GASK1A: variants seen among roughly 807,000 people sequenced by gnomAD.
The protein encoded by GASK1A is Golgi-associated kinase 1A.
A neutral mutation model predicts 41.2 loss-of-function variants in GASK1A; 40 were observed. The ratio of observed to expected loss-of-function variants is 0.97; its 90% confidence interval spans 0.75 to 1.27. The LOEUF is 1.27. GASK1A is among the 50% of genes most tolerant of loss of function. GASK1A has a pLI of 0.00. For missense variants in GASK1A, 678 were observed against 745.1 expected, an observed-to-expected ratio of 0.91 and a Z score of 1.05; for synonymous variants, 316 against 307.1, an observed-to-expected ratio of 1.03 and a Z score of -0.30.
intron 2 of GASK1A, among the ~76,000 whole-genome samples, chr3:43,035,291 G>C (rs2089599062): frequency 6.6e-6 from 1 of 152,198 alleles, no homozygotes; most frequent in Non-Finnish European, 1.5e-5. Context: ...TGCTGCACTG[G>C]AAGTGCTGGG....
chr3:43,028,889 C>T (rs945480729), intron 1 of GASK1A, among the ~76,000 whole-genome samples: 2 of 152,092 alleles, frequency 1.3e-5, no homozygotes, highest in Non-Finnish European at 2.9e-5. Context: ...CGCCCCACCC[C>T]TTCTGCTTGC....
intron 2 of GASK1A, chr3:43,037,302 G>A (rs1202675511): frequency 1.0e-5 from 9 of 867,864 alleles, no homozygotes; most frequent in Admixed American, 1.0e-4. Context: ...GACCCCAGGT[G>A]ATGACAGGGC....
At chr3:42,999,695 A>G (rs1414187064) in intron 1 of GASK1A, among the ~76,000 whole-genome samples, 3 of 152,240 alleles carry the variant, frequency 2.0e-5, no homozygotes, top group Non-Finnish European at 4.4e-5. Flanking sequence ...ATTGACGCAC[A>G]TCGAGTGGCT....
chr3:43,056,131 G>A, intron 4 of GASK1A, 45 bp from the exon 5 acceptor site: 2 of 1,436,170 alleles, frequency 1.4e-6, no homozygotes, highest in Non-Finnish European at 9.5e-7. Flanking sequence ...TGAGATTACT[G>A]TTGCTTTTTC....
At chr3:43,019,788 A>ACACACACACACC (rs1333967942) in intron 1 of GASK1A, among the ~76,000 whole-genome samples, 2 of 147,814 alleles carry the variant, frequency 1.4e-5, no homozygotes, top group Non-Finnish European at 3.0e-5. Flanking sequence ...ACACACACAC[A>ACACACACACACC]CCCCATCACA....
chr3:43,055,921 G>C, intron 4 of GASK1A: 1 of 501,768 alleles, frequency 2.0e-6, no homozygotes, highest in Non-Finnish European at 3.6e-6. Flanking sequence ...CTGGGATAGC[G>C]GAATTTATTC....
At chr3:43,023,995 G>A (rs1420125469) in intron 1 of GASK1A, among the ~76,000 whole-genome samples, 1 of 152,150 alleles carries the variant, frequency 6.6e-6, no homozygotes, top group Non-Finnish European at 1.5e-5. Flanking sequence ...TGCTGTGGGG[G>A]CAGCTGGAGT....
intron 1 of GASK1A, among the ~76,000 whole-genome samples, chr3:43,030,199 GT>G (rs1465401394): frequency 6.6e-6 from 1 of 152,224 alleles, no homozygotes; most frequent in African/African-American, 2.4e-5. Context: ...TAGAGACAAA[GT>G]TTCGCCATGT....
intron 2 of GASK1A, among the ~76,000 whole-genome samples, chr3:43,036,868 G>A (rs2089607351): frequency 6.6e-6 from 1 of 152,164 alleles, no homozygotes; most frequent in Non-Finnish European, 1.5e-5. Context: ...TCCAGCCCTG[G>A]TCCATACCTT....
chr3:42,988,071 C>A (rs1406173219), intron 1 of GASK1A, among the ~76,000 whole-genome samples: 3 of 149,884 alleles, frequency 2.0e-5, no homozygotes, highest in Non-Finnish European at 4.4e-5. Context: ...TATTTATGTC[C>A]CCCAAGCCAC....
intron 1 of GASK1A, among the ~76,000 whole-genome samples, chr3:42,992,784 G>A (rs2089347913): frequency 1.3e-5 from 2 of 152,216 alleles, no homozygotes; most frequent in Non-Finnish European, 2.9e-5. Context: ...GTTTAATTGA[G>A]CAATGAATGA....
chr3:42,990,051 A>G (rs1372015994), intron 1 of GASK1A, among the ~76,000 whole-genome samples: 1 of 152,034 alleles, frequency 6.6e-6, no homozygotes, highest in Non-Finnish European at 1.5e-5. Flanking sequence ...GTGCAGGGCC[A>G]GGTGTGGTGG....
chr3:43,037,231 A>G lies in GASK1A; in HGVS notation c.1290+3678A>G, dbSNP rs2089609006. 1.1e-5 allele frequency: 12 copies of G among 1,093,680 alleles called. No homozygotes were observed. In the South Asian group the frequency reaches 1.5e-4, roughly 14 times the overall value. The allele number at this position is 1,093,680 out of a possible 1,614,324, so 67.7% of individuals were successfully genotyped here. Reference sequence around the variant, plus strand: ...TCGAAGTCCTCTGCTATGTCTTCAGACAGGTCCCTGGCTGAAAATGGAGCG... The same window carrying G: ...TCGAAGTCCTCTGCTATGTCTTCAGGCAGGTCCCTGGCTGAAAATGGAGCG... On this transcript the variant is annotated intron_variant, in intron 2 of 4. Coordinates refer to ENST00000430121, the MANE Select transcript of GASK1A (RefSeq NM_001129908.3).
chr3:42,991,466 TACAC>T lies in GASK1A; in HGVS notation c.3+11824_3+11827del, dbSNP rs537995741. ...TGACATTCACAGTGTCACAATGAAA[TACAC>T]ACCCACACACTGGTAATCTTGCATA... is the stretch of plus-strand genomic sequence containing the variant. On this transcript the variant is annotated intron_variant, in intron 1 of 4. Coordinates refer to ENST00000430121, the MANE Select transcript of GASK1A (RefSeq NM_001129908.3). Among the ~76,000 whole-genome samples, 25 of 152,248 alleles carry T rather than the reference TACAC, an allele frequency of 1.6e-4. No individual in the cohort carries two copies. In the South Asian group the frequency reaches 5.2e-3, roughly 32 times the overall value.
chr3:43,033,621 A>T, intron 2 of GASK1A, 68 bp downstream of exon 2: 1 of 1,381,790 alleles, frequency 7.2e-7, no homozygotes, highest in African/African-American at 1.5e-5. Context: ...AGAGGCCTGA[A>T]TTGCCCACCT....
chr3:43,017,892 A>G (rs1231162384), intron 1 of GASK1A, among the ~76,000 whole-genome samples: 2 of 151,730 alleles, frequency 1.3e-5, no homozygotes, highest in East Asian at 1.9e-4. Flanking sequence ...AGGAAGGGCC[A>G]GGGTGAAGCC....
At position 43,032,475 on chromosome 3, in the gene GASK1A, G is replaced by A. The variant is rs777185918; in HGVS notation, c.212G>A (p.Arg71Gln). Residue 71 changes from arginine (R) to glutamine (Q), a missense_variant, in exon 2 of 5, where the codon CGG becomes CAG. Arg to Gln is a conservative substitution (Grantham distance 43). Transcript: ENST00000430121. Reference sequence around the variant, plus strand: ...GCTTTGAGCTCCAGCCGGAGGCAGCGGGCAAGAAACATGGGCTTCTGGAGA... The same window carrying A: ...GCTTTGAGCTCCAGCCGGAGGCAGCAGGCAAGAAACATGGGCTTCTGGAGA... The part of the protein sequence containing the change: ...RQALSSSRRQ[R>Q]ARNMGFWRSR... 6.3e-5 allele frequency: 97 copies of A among 1,550,980 alleles called. No homozygotes were observed. The highest frequency in any genetic ancestry group is 7.8e-5 in the Non-Finnish European group (90 of 1,146,548).
At chr3:43,027,123 A>G (rs868836512) in intron 1 of GASK1A, among the ~76,000 whole-genome samples, 8 of 152,254 alleles carry the variant, frequency 5.3e-5, no homozygotes, top group South Asian at 2.1e-4. Context: ...AGTATTTTCT[A>G]TGTAGGCAAC....
intron 1 of GASK1A, among the ~76,000 whole-genome samples, chr3:43,023,048 G>T (rs1426470153): frequency 6.6e-6 from 1 of 152,198 alleles, no homozygotes; most frequent in Non-Finnish European, 1.5e-5. Context: ...CCCAAATGCT[G>T]TGCATGTTAT....
Sources: gnomAD v4.1 joint callset for allele counts (sites outside exome capture counted in the v4.1 genomes callset) on GRCh38, gnomAD v4.1.1 for gene constraint, MANE v1.5 for transcripts, NCBI Gene and HGNC (gene_info 2026-07-23, HGNC 2026-07-21) for gene names.